Variants in GALNTL5 observed in about 807,000 individuals in gnomAD.
GALNTL5 encodes the protein inactive polypeptide N-acetylgalactosaminyltransferase-like protein 5.
GALNTL5 carries 44 observed loss-of-function variants against 51.0 expected under a neutral mutation model. The observed-to-expected ratio is 0.86, with a 90% confidence interval of 0.68 to 1.11. The LOEUF is 1.11. Among genes scored for constraint, GALNTL5 ranks in the 50% least tolerant of loss-of-function variants. The pLI is 0.00. For synonymous variants in GALNTL5, 192 were observed against 182.8 expected (o/e 1.05, Z -0.41); for missense variants, 528 against 531.8 (o/e 0.99, Z 0.07).
At chr7:152,014,929 G>A (rs542172974) in intron 8 of GALNTL5, 136 bp downstream of exon 8, 23 of 722,422 alleles carry the variant, frequency 3.2e-5, no homozygotes, top group Admixed American at 9.8e-5. Flanking sequence ...ACACAGGAAC[G>A]GAAAACCAAA....
rs1352113272 is a variant in GALNTL5 at position 151,967,379 on chromosome 7, G to C, written c.133G>C (p.Ala45Pro). ...GAAGAAAAGCCAGGAGCCTCTGTCA[G>C]CTTGGTCCCCTGGAAAAAAAGTGCA... Reference protein sequence around the residue: ...WQKKSQEPLSAWSPGKKVHQQ... With the variant: ...WQKKSQEPLSPWSPGKKVHQQ... The change falls in exon 2 of 9, where the codon GCT becomes CCT. Residue 45 changes from alanine (A) to proline (P), a missense_variant. Ala to Pro is a conservative substitution (Grantham distance 27, BLOSUM62 -1). Transcript: ENST00000392800. The C allele has an allele frequency of 1.2e-6, 2 of 1,614,030 alleles. No individual in the cohort carries two copies. The highest frequency in any genetic ancestry group is 2.7e-5 in the African/African-American group (2 of 74,926).
chr7:152,013,833 G>A (rs2081770364), intron 7 of GALNTL5, among the ~76,000 whole-genome samples: 1 of 152,206 alleles, frequency 6.6e-6, no homozygotes, highest in Middle Eastern at 3.2e-3. Flanking sequence ...GTTAGGACAA[G>A]AAGTGAATTG....
intron 4 of GALNTL5, among the ~76,000 whole-genome samples, chr7:151,986,543 G>C (rs528345882): frequency 2.0e-5 from 3 of 151,936 alleles, no homozygotes; most frequent in African/African-American, 7.2e-5. Flanking sequence ...ATTGAGGCAC[G>C]AGGATTGCTT....
chr7:151,983,970 T>A (rs1217793698), intron 4 of GALNTL5: 1 of 152,250 alleles, frequency 6.6e-6, no homozygotes, highest in Non-Finnish European at 1.5e-5. Flanking sequence ...ATCCCAGCAC[T>A]TTGGGAGGCC....
At chr7:152,008,314 C>T (rs2081679203) in intron 7 of GALNTL5, among the ~76,000 whole-genome samples, 1 of 150,700 alleles carries the variant, frequency 6.6e-6, no homozygotes, top group Admixed American at 6.6e-5. Flanking sequence ...CTCCTGAGCT[C>T]AAGTAATCCT....
chr7:151,998,774 A>C (rs1245300244), intron 5 of GALNTL5, among the ~76,000 whole-genome samples: 1 of 115,758 alleles, frequency 8.6e-6, no homozygotes, highest in Non-Finnish European at 1.9e-5. Flanking sequence ...TCTATCTAAA[A>C]AAAAAAAAAC....
chr7:152,011,000 C>G (rs999787582), intron 7 of GALNTL5, among the ~76,000 whole-genome samples: 2 of 152,152 alleles, frequency 1.3e-5, no homozygotes, highest in African/African-American at 4.8e-5. Context: ...ATTTAATCCT[C>G]CTAACAAACC....
At chr7:151,968,557 C>G (rs528226781) in intron 2 of GALNTL5, among the ~76,000 whole-genome samples, 1 of 152,254 alleles carries the variant, frequency 6.6e-6, no homozygotes, top group Non-Finnish European at 1.5e-5. Context: ...CGAGGTCACA[C>G]CCTAATTCTG....
intron 1 of GALNTL5, among the ~76,000 whole-genome samples, chr7:151,965,144 G>GC (rs1449727772): frequency 1.3e-5 from 2 of 152,162 alleles, no homozygotes; most frequent in African/African-American, 4.8e-5. Flanking sequence ...CTTTCCCCAA[G>GC]CCCAAAGCCA....
chr7:152,008,545 G>T, intron 7 of GALNTL5, among the ~76,000 whole-genome samples: 1 of 150,732 alleles, frequency 6.6e-6, no homozygotes, highest in Admixed American at 6.6e-5. Context: ...TTTCTGTTTT[G>T]GATTTTATTT....
chr7:151,966,361 A>G (rs547175106), intron 1 of GALNTL5, among the ~76,000 whole-genome samples: 1 of 150,422 alleles, frequency 6.6e-6, no homozygotes, highest in South Asian at 2.1e-4. Context: ...TCCGCTTCCC[A>G]GGTTTAAGCG....
In GALNTL5 at chr7:151,966,267, C is replaced by CT. The variant is rs199729215; in HGVS notation, c.-39-928dup. Among the ~76,000 whole-genome samples the CT allele has an allele frequency of 8.1e-3, 1,165 of 143,858 alleles. 12 individuals are homozygous for CT. Among genetic ancestry groups the CT allele is most frequent in the African/African-American group, 0.019 (755 of 39,500 alleles). The allele number at this position is 143,858 out of a possible 152,430, so 94.4% of individuals were successfully genotyped here. A position where few individuals can be genotyped will look rare whatever the true frequency, so the allele number is the denominator to read the frequency against. ...CTAGTTTTCTTTTGTTCTTTTCTTTCTTTTTTTTTTTTTGTTTGAGACGGA... is the reference window on the plus strand; with the variant it reads ...CTAGTTTTCTTTTGTTCTTTTCTTTCTTTTTTTTTTTTTTGTTTGAGACGGA... On this transcript the variant is annotated intron_variant, in intron 1 of 8. Coordinates refer to ENST00000392800, the MANE Select transcript of GALNTL5 (RefSeq NM_145292.4).
intron 1 of GALNTL5, among the ~76,000 whole-genome samples, chr7:151,957,088 G>T (rs1772878188): frequency 6.7e-6 from 1 of 149,598 alleles, no homozygotes; most frequent in South Asian, 2.1e-4. Context: ...GCAGGACCAT[G>T]TGAGTCCAGG....
chr7:152,004,722 G>C (rs1007279151), intron 6 of GALNTL5, among the ~76,000 whole-genome samples: 18 of 152,254 alleles, frequency 1.2e-4, no homozygotes, highest in Admixed American at 2.6e-4. Flanking sequence ...TCTGCTTCTG[G>C]ATTGTTTCAC....
At chr7:151,972,504 A>AT (rs36114967) in intron 3 of GALNTL5, among the ~76,000 whole-genome samples, 65,552 of 151,764 alleles carry the variant, frequency 0.43, 14,207 homozygotes, top group Middle Eastern at 0.5. Context: ...CATTTCAGAG[A>AT]CCATGGCAAC....
chr7:151,968,433 T>C (rs959644615), intron 2 of GALNTL5, among the ~76,000 whole-genome samples: 2 of 152,246 alleles, frequency 1.3e-5, no homozygotes, highest in Non-Finnish European at 1.5e-5. Flanking sequence ...ATCCCTGCTC[T>C]GAACGGCCCT....
intron 3 of GALNTL5, among the ~76,000 whole-genome samples, chr7:151,980,737 ATTTTTTTT>A (rs61288964): frequency 0.37 from 37,282 of 99,550 alleles, 6,700 homozygotes; most frequent in Middle Eastern, 0.55. Context: ...GCTAACAATG[ATTTTTTTT>A]TTTTTTTTTT....
chr7:151,992,724 G>A (rs184550258), intron 5 of GALNTL5, among the ~76,000 whole-genome samples: 26 of 152,200 alleles, frequency 1.7e-4, no homozygotes, highest in African/African-American at 4.8e-4. Flanking sequence ...TATCGTTTTG[G>A]GGAACACAGT....
chr7:151,976,141 A>G (rs1024165254), intron 3 of GALNTL5, among the ~76,000 whole-genome samples: 3 of 152,154 alleles, frequency 2.0e-5, no homozygotes, highest in African/African-American at 7.2e-5. Context: ...TGTCTGGATG[A>G]TCTGTACATA....
Sources: gnomAD v4.1 joint callset for allele counts (sites outside exome capture counted in the v4.1 genomes callset) on GRCh38, gnomAD v4.1.1 for gene constraint, MANE v1.5 for transcripts, NCBI Gene and HGNC (gene_info 2026-07-23, HGNC 2026-07-21) for gene names.